Variants in NEK6 observed in about 807,000 individuals in gnomAD.
NEK6 encodes the protein NIMA related kinase 6.
Under a neutral mutation model 43.5 loss-of-function variants are expected in NEK6, and 27 were observed. That is an observed-to-expected ratio of 0.62 (90% CI 0.46 to 0.86). The LOEUF is 0.86. Among genes scored for constraint, NEK6 ranks in the 40% least tolerant of loss-of-function variants. The pLI is 0.00. For synonymous variants in NEK6, 167 were observed against 164.1 expected, an observed-to-expected ratio of 1.02 and a Z score of -0.14; for missense variants, 318 against 414.4, an observed-to-expected ratio of 0.77 and a Z score of 2.02.
At chr9:124,280,582 G>A (rs754187735) in intron 1 of NEK6, among the ~76,000 whole-genome samples, 1 of 152,180 alleles carries the variant, frequency 6.6e-6, no homozygotes, top group South Asian at 2.1e-4. Flanking sequence ...TGGGTGTGAC[G>A]TTTTCCAAGC....
chr9:124,282,656 A>C (rs1383156551), intron 1 of NEK6, among the ~76,000 whole-genome samples: 2 of 150,958 alleles, frequency 1.3e-5, no homozygotes, highest in African/African-American at 4.8e-5. Context: ...CTGAATACTC[A>C]GGGGCACGGG....
At chr9:124,290,693 G>T (rs1435039699) in intron 1 of NEK6, among the ~76,000 whole-genome samples, 1 of 152,224 alleles carries the variant, frequency 6.6e-6, no homozygotes, top group Non-Finnish European at 1.5e-5. Context: ...GGTGGCGGGG[G>T]GTCTGTCTGG....
chr9:124,300,209 T>C (rs2026191), intron 1 of NEK6: 90,814 of 151,966 alleles, frequency 0.6, 27,359 homozygotes, highest in East Asian at 0.8. Flanking sequence ...GTGTCACAGA[T>C]ATCCCTGGAG....
At chr9:124,305,605 G>C (rs1833217197) in intron 2 of NEK6, among the ~76,000 whole-genome samples, 1 of 151,910 alleles carries the variant, frequency 6.6e-6, no homozygotes, top group South Asian at 2.1e-4. Context: ...GCTAACTGCT[G>C]TCAATTCAGC....
chr9:124,258,448 C>A, intron 1 of NEK6: 2 of 655,286 alleles, frequency 3.1e-6, no homozygotes, highest in Non-Finnish European at 3.8e-6. Flanking sequence ...CCGGGCGCCG[C>A]AGGGAGTACG....
At chr9:124,322,647 C>A (rs1219252033) in intron 5 of NEK6, among the ~76,000 whole-genome samples, 1 of 152,226 alleles carries the variant, frequency 6.6e-6, no homozygotes, top group African/African-American at 2.4e-5. Context: ...GGACCTCTGT[C>A]CCCAGGGCCC....
At chr9:124,315,298 C>T (rs532069559) in intron 4 of NEK6, among the ~76,000 whole-genome samples, 1 of 152,310 alleles carries the variant, frequency 6.6e-6, no homozygotes, top group African/African-American at 2.4e-5. Context: ...ACCGCAGCAC[C>T]GTGGATTATG....
At chr9:124,292,012 C>T in intron 1 of NEK6, 1 of 990,154 alleles carries the variant, frequency 1.0e-6, no homozygotes. Flanking sequence ...TCCCTGGAGG[C>T]CCAGGCACCT....
chr9:124,288,981 T>G (rs1266551952), intron 1 of NEK6, among the ~76,000 whole-genome samples: 1 of 152,000 alleles, frequency 6.6e-6, no homozygotes, highest in Non-Finnish European at 1.5e-5. Flanking sequence ...TGGTTGGTGT[T>G]TCGTTTTTTG....
At chr9:124,312,992 G>T (rs973872551) in intron 3 of NEK6, among the ~76,000 whole-genome samples, 111 of 152,270 alleles carry the variant, frequency 7.3e-4, no homozygotes, top group Admixed American at 7.1e-3. Flanking sequence ...AGTCTTGGGG[G>T]AGCTGAGGTT....
chr9:124,338,563 A>G (rs1281792738), intron 7 of NEK6, among the ~76,000 whole-genome samples: 3 of 152,182 alleles, frequency 2.0e-5, no homozygotes, highest in Non-Finnish European at 4.4e-5. Context: ...CCTAGTTTTA[A>G]TGCCTTACAC....
chr9:124,306,034 G>A (rs923285384), intron 2 of NEK6, among the ~76,000 whole-genome samples: 7 of 152,260 alleles, frequency 4.6e-5, no homozygotes, highest in Non-Finnish European at 7.4e-5. Context: ...CTGGTGGCTC[G>A]TGCTCAAGGC....
At chr9:124,325,661 C>G (rs932788112) in intron 5 of NEK6, among the ~76,000 whole-genome samples, 1 of 152,268 alleles carries the variant, frequency 6.6e-6, no homozygotes, top group African/African-American at 2.4e-5. Flanking sequence ...CTGTTACTTA[C>G]AGCTCACTCA....
chr9:124,316,713 A>G (rs1833832407), intron 4 of NEK6, among the ~76,000 whole-genome samples: 1 of 152,264 alleles, frequency 6.6e-6, no homozygotes, highest in South Asian at 2.1e-4. Flanking sequence ...GATTTAGCCC[A>G]ATGGACGTCT....
intron 1 of NEK6, among the ~76,000 whole-genome samples, chr9:124,295,226 C>T (rs535593300): frequency 8.5e-5 from 13 of 152,362 alleles, no homozygotes; most frequent in South Asian, 6.2e-4. Flanking sequence ...CTGCAGAATC[C>T]GGGCAGGATG....
At chr9:124,289,182 CCCCG>C (rs1832294779) in intron 1 of NEK6, among the ~76,000 whole-genome samples, 2 of 26,234 alleles carry the variant, frequency 7.6e-5, no homozygotes, top group African/African-American at 3.2e-4. Context: ...CCCCGCCCCC[CCCCG>C]CCACACACAC....
intron 7 of NEK6, among the ~76,000 whole-genome samples, chr9:124,333,125 C>T (rs540387632): frequency 1.1e-4 from 16 of 152,376 alleles, no homozygotes; most frequent in South Asian, 6.2e-4. Flanking sequence ...GCTCTCCTGG[C>T]GTCTGGGGAT....
intron 4 of NEK6, 27 bp from the exon 5 acceptor site, chr9:124,321,432 C>CCCT (rs1360926917): frequency 6.9e-7 from 1 of 1,455,918 alleles, no homozygotes. Flanking sequence ...ACTTGGTGCC[C>CCCT]CCTTCCCTCT....
intron 1 of NEK6, among the ~76,000 whole-genome samples, chr9:124,284,715 C>G (rs1042294481): frequency 1.7e-4 from 26 of 152,210 alleles, no homozygotes; most frequent in African/African-American, 6.3e-4. Context: ...ATGTGTGTGT[C>G]TGGGGTCCAA....
Sources: allele counts gnomAD v4.1 joint callset (sites outside exome capture counted in the v4.1 genomes callset), GRCh38; gene constraint gnomAD v4.1.1; transcripts MANE v1.5; gene names NCBI Gene and HGNC (gene_info 2026-07-23, HGNC 2026-07-21).